TXNRD3: variants seen among roughly 807,000 people sequenced by gnomAD.
TXNRD3 encodes the protein TXNRD3 neighbor gene protein.
In TXNRD3, 68 loss-of-function variants were observed where a neutral mutation model predicts 78.2. The ratio of observed to expected loss-of-function variants is 0.87; its 90% confidence interval spans 0.72 to 1.06. The LOEUF is 1.06. Among genes scored for constraint, TXNRD3 ranks in the 50% least tolerant of loss-of-function variants. TXNRD3 has a pLI of 0.00. For missense variants in TXNRD3, 751 were observed against 809.5 expected, an observed-to-expected ratio of 0.93 and a Z score of 0.88; for synonymous variants, 296 against 300.1, an observed-to-expected ratio of 0.99 and a Z score of 0.14.
chr3:126,612,950 C>G (rs1576279843), intron 13 of TXNRD3, among the ~76,000 whole-genome samples: 1 of 152,184 alleles, frequency 6.6e-6, no homozygotes. Flanking sequence ...CTGGGTTTCA[C>G]ATTCTGTTCT....
intron 5 of TXNRD3, among the ~76,000 whole-genome samples, chr3:126,643,047 G>A (rs543917567): frequency 1.3e-5 from 2 of 152,322 alleles, no homozygotes; most frequent in East Asian, 3.9e-4. Flanking sequence ...CAAGGAGACT[G>A]AGTGCCACCA....
intron 12 of TXNRD3, among the ~76,000 whole-genome samples, chr3:126,619,953 A>G (rs1313780461): frequency 6.6e-6 from 1 of 152,044 alleles, no homozygotes; most frequent in Non-Finnish European, 1.5e-5. Flanking sequence ...TAAGAGCCAC[A>G]TGTACTGAAG....
rs942785625 is a variant in TXNRD3 at position 126,622,660 on chromosome 3, C to T, written c.1291-120G>A. On this transcript the variant is annotated intron_variant, in intron 10 of 15. Transcript: ENST00000524230. ...AATGGAATATTACAAACAATCTATG[C>T]CAATAAAGCTGACAGCTTAAGGTGA... The T allele has an allele frequency of 8.4e-6, 6 of 713,776 alleles. No homozygotes were observed. The African/African-American group carries it at 9.0e-5, about 11-fold the overall frequency. The allele number at this position is 713,776 out of a possible 1,614,324, so 44.2% of individuals were successfully genotyped here. A position where few individuals can be genotyped will look rare whatever the true frequency, so the allele number is the denominator to read the frequency against.
intron 1 of TXNRD3, among the ~76,000 whole-genome samples, chr3:126,652,224 G>A (rs1933408553): frequency 6.6e-6 from 1 of 152,128 alleles, no homozygotes; most frequent in South Asian, 2.1e-4. Flanking sequence ...CAGGGCAGGA[G>A]CAAGACAGTG....
rs1473272345 is a variant in TXNRD3 at position 126,629,282 on chromosome 3, A to G, written c.1290+97T>C. ...GCTCTTACAAAGAATAAAAAAAGTAAAAAAATGTTAATCCTGGTATAATTT... is the reference window on the plus strand; with the variant it reads ...GCTCTTACAAAGAATAAAAAAAGTAGAAAAATGTTAATCCTGGTATAATTT... On this transcript the variant is annotated intron_variant, in intron 10 of 15. Transcript: ENST00000524230. The G allele has an allele frequency of 1.1e-5, 10 of 932,610 alleles. No homozygotes were observed. The East Asian group carries it at 2.4e-4, about 23-fold the overall frequency. 57.8% of individuals were successfully genotyped at this position (932,610 alleles called of 1,614,324 possible). A position where few individuals can be genotyped will look rare whatever the true frequency, so the allele number is the denominator to read the frequency against.
chr3:126,631,939 A>G, intron 7 of TXNRD3, 60 bp from the exon 8 acceptor site: 1 of 1,117,958 alleles, frequency 8.9e-7, no homozygotes, highest in Non-Finnish European at 1.3e-6. Context: ...GACACCCTGG[A>G]CAAAATAGTT....
intron 14 of TXNRD3, 97 bp downstream of exon 14, chr3:126,610,940 C>A: frequency 1.4e-6 from 1 of 706,980 alleles, no homozygotes; most frequent in Admixed American, 3.3e-5. Context: ...ATGGCAAGAT[C>A]CCGTCTCTAA....
chr3:126,624,523 C>T (rs1239597589), intron 10 of TXNRD3, among the ~76,000 whole-genome samples: 2 of 151,936 alleles, frequency 1.3e-5, no homozygotes, highest in Admixed American at 1.3e-4. Context: ...CGGGTTCACG[C>T]CATTCTCCTG....
rs1355315634 is a variant in TXNRD3 at position 126,650,572 on chromosome 3, C to T, written c.244-3276G>A. The stretch of plus-strand genomic sequence containing the variant: ...GGGAGGATCACTTGAGACTGGGAGG[C>T]AGAAGTTGCAGTGAGCCAAGATCAA... On this transcript the variant is annotated intron_variant, in intron 1 of 15. Transcript: ENST00000524230. Among the ~76,000 whole-genome samples the T allele has an allele frequency of 2.6e-5, 4 of 151,668 alleles. No individual in the cohort carries two copies. In the East Asian group the frequency reaches 5.8e-4, roughly 22 times the overall value.
chr3:126,648,075 A>C (rs912988833), intron 1 of TXNRD3, among the ~76,000 whole-genome samples: 2 of 152,216 alleles, frequency 1.3e-5, no homozygotes, highest in Admixed American at 6.5e-5. Context: ...TCTGTATACC[A>C]ATAACGAACA....
At chr3:126,644,518 ATAATTCATC>A in intron 3 of TXNRD3, 117 bp from the exon 4 acceptor site, 3 of 711,336 alleles carry the variant, frequency 4.2e-6, no homozygotes, top group Middle Eastern at 2.5e-4. Context: ...GGAAAAATCT[ATAATTCATC>A]TAAGTTGGAG....
At chr3:126,638,147 G>A (rs1170529690) in intron 6 of TXNRD3, among the ~76,000 whole-genome samples, 2 of 151,754 alleles carry the variant, frequency 1.3e-5, no homozygotes, top group East Asian at 3.9e-4. Context: ...GTTTCATTGT[G>A]TTAGCCAGAA....
intron 14 of TXNRD3, chr3:126,609,201 AT>A: frequency 2.4e-6 from 1 of 421,136 alleles, no homozygotes. Flanking sequence ...TAGGCTGTCC[AT>A]TTGTCAATGT....
chr3:126,654,765 A>G lies in TXNRD3; in HGVS notation c.226T>C (p.Cys76Arg). ...GCGCCTACCCGAGTACTATGGGGACAGTAGCTCTTGCTGAAGATCACCACC... is the reference window on the plus strand; with the variant it reads ...GCGCCTACCCGAGTACTATGGGGACGGTAGCTCTTGCTGAAGATCACCACC... Residue 76 changes from cysteine (C) to arginine (R), a missense_variant, in exon 1 of 16, where the codon TGT becomes CGT. Coordinates refer to ENST00000524230, the MANE Select transcript of TXNRD3 (RefSeq NM_052883.3). 1 of 1,417,130 alleles carries G rather than the reference A, an allele frequency of 7.1e-7. No homozygotes were observed. The highest frequency in any genetic ancestry group is 9.2e-7 in the Non-Finnish European group (1 of 1,085,384). The allele number at this position is 1,417,130 out of a possible 1,614,324, so 87.8% of individuals were successfully genotyped here.
chr3:126,634,936 A>G (rs1938818505), intron 6 of TXNRD3, among the ~76,000 whole-genome samples: 1 of 152,222 alleles, frequency 6.6e-6, no homozygotes, highest in Admixed American at 6.5e-5. Context: ...CAGTCAGTGC[A>G]CAGAGAAGCT....
intron 15 of TXNRD3, among the ~76,000 whole-genome samples, chr3:126,608,291 G>A (rs1049385373): frequency 1.1e-4 from 16 of 152,186 alleles, no homozygotes; most frequent in Non-Finnish European, 2.1e-4. Context: ...CACCTGGGAG[G>A]TGGAGGTTGC....
At chr3:126,641,974 A>C in intron 6 of TXNRD3, 58 bp downstream of exon 6, 1 of 1,457,420 alleles carries the variant, frequency 6.9e-7, no homozygotes, top group Non-Finnish European at 9.0e-7. Context: ...CCAAGTCTTT[A>C]TCTAAAAAAC....
chr3:126,626,531 C>T (rs1938583246), intron 10 of TXNRD3, among the ~76,000 whole-genome samples: 1 of 152,122 alleles, frequency 6.6e-6, no homozygotes, highest in South Asian at 2.1e-4. Context: ...CCAATAAACA[C>T]ATGAAAATTG....
chr3:126,610,148 C>T (rs1938162924), intron 14 of TXNRD3, among the ~76,000 whole-genome samples: 3 of 152,160 alleles, frequency 2.0e-5, no homozygotes, highest in Admixed American at 1.3e-4. Flanking sequence ...CAAAAGAGCA[C>T]ATGCTAATGG....
Sources: gnomAD v4.1 joint callset for allele counts (sites outside exome capture counted in the v4.1 genomes callset) on GRCh38, gnomAD v4.1.1 for gene constraint, MANE v1.5 for transcripts, NCBI Gene and HGNC (gene_info 2026-07-23, HGNC 2026-07-21) for gene names.